ZFHX3: variants seen among roughly 807,000 people sequenced by gnomAD.
The protein encoded by ZFHX3 is zinc finger homeobox 3, also known as zinc finger homeobox protein 3.
A neutral mutation model predicts 279.1 loss-of-function variants in ZFHX3; 42 were observed. The observed-to-expected ratio is 0.15, with a 90% CI of 0.12 to 0.19. ZFHX3 has a LOEUF of 0.19. Ranked by LOEUF, ZFHX3 falls within the 10% of genes least tolerant of loss-of-function variation. The pLI is 1.00. For synonymous variants in ZFHX3, 2,293 were observed against 1,957.8 expected (o/e 1.17, Z -4.52); for missense variants, 4,981 against 4,754.0 (o/e 1.05, Z -1.40).
intron 3 of ZFHX3, among the ~76,000 whole-genome samples, chr16:73,399,299 C>T (rs1186621562): frequency 1.3e-5 from 2 of 152,062 alleles, no homozygotes; most frequent in African/African-American, 4.8e-5. Flanking sequence ...AAACAATAGT[C>T]ACAAACGATA....
At chr16:73,524,188 G>C (rs1015708989) in intron 2 of ZFHX3, among the ~76,000 whole-genome samples, 1 of 152,152 alleles carries the variant, frequency 6.6e-6, no homozygotes, top group Non-Finnish European at 1.5e-5. Context: ...CACCTACCAT[G>C]TGCAAGGCAT....
exon 1 of ZFHX3, chr16:73,059,546 C>G (rs955251595): frequency 5.4e-5 from 8 of 149,246 alleles, no homozygotes; most frequent in African/African-American, 2.0e-4. Context: ...CTCTCTCTCT[C>G]TCTCTCTCTC....
chr16:72,904,366 CAAAATAAATAAATAAA>C (rs1357860012), intron 3 of ZFHX3, among the ~76,000 whole-genome samples: 1 of 132,154 alleles, frequency 7.6e-6, no homozygotes, highest in Non-Finnish European at 1.6e-5. Context: ...GATTCTGTCT[CAAAATAAATAAATAAA>C]TAAATAAATA....
At chr16:73,839,263 G>C (rs1961230107) in intron 1 of ZFHX3, among the ~76,000 whole-genome samples, 1 of 140,282 alleles carries the variant, frequency 7.1e-6, no homozygotes, top group Admixed American at 7.7e-5. Context: ...TTGGGAGGCT[G>C]AGGCAGGAGA....
At chr16:73,679,689 T>C (rs1307867787) in intron 2 of ZFHX3, 1 of 152,172 alleles carries the variant, frequency 6.6e-6, no homozygotes, top group Admixed American at 6.5e-5. Flanking sequence ...TCTCATTCAT[T>C]TGTAGAACAA....
chr16:72,946,475 T>C (rs1301507510), intron 3 of ZFHX3, among the ~76,000 whole-genome samples: 1 of 152,194 alleles, frequency 6.6e-6, no homozygotes. Context: ...AGATTTCCAC[T>C]CCAATGACTC....
intron 4 of ZFHX3, among the ~76,000 whole-genome samples, chr16:72,864,791 C>T (rs2037972347): frequency 2.0e-5 from 3 of 152,218 alleles, no homozygotes; most frequent in Admixed American, 1.3e-4. Flanking sequence ...AGCCATCAAT[C>T]ATCTACATAG....
At chr16:73,484,874 A>C (rs1056947558) in intron 2 of ZFHX3, among the ~76,000 whole-genome samples, 1 of 152,222 alleles carries the variant, frequency 6.6e-6, no homozygotes, top group East Asian at 1.9e-4. Context: ...ACAAATGTAC[A>C]ATGTTAAAAC....
At chr16:73,256,068 G>A (rs967321333) in intron 5 of ZFHX3, among the ~76,000 whole-genome samples, 4 of 152,288 alleles carry the variant, frequency 2.6e-5, no homozygotes, top group East Asian at 1.9e-4. Context: ...ATTAGGAGGC[G>A]ATGACCATGA....
chr16:72,816,328 T>C (rs963286267), intron 5 of ZFHX3, among the ~76,000 whole-genome samples: 3 of 152,200 alleles, frequency 2.0e-5, no homozygotes, highest in Non-Finnish European at 4.4e-5. Context: ...TAAATCTCAG[T>C]GAATCTTCCA....
intron 1 of ZFHX3, among the ~76,000 whole-genome samples, chr16:73,713,308 C>T (rs1371022921): frequency 6.6e-6 from 1 of 152,186 alleles, no homozygotes; most frequent in African/African-American, 2.4e-5. Flanking sequence ...TTAATTATGC[C>T]TTTTTATTTT....
intron 3 of ZFHX3, among the ~76,000 whole-genome samples, chr16:73,434,132 CG>C (rs2143521377): frequency 6.6e-6 from 1 of 152,276 alleles, no homozygotes; most frequent in East Asian, 1.9e-4. Context: ...ATTCAGAATA[CG>C]GGGAGGCCCA....
chr16:73,861,819 C>T (rs376494485), intron 1 of ZFHX3, among the ~76,000 whole-genome samples: 111 of 152,218 alleles, frequency 7.3e-4, no homozygotes, highest in African/African-American at 2.4e-3. Flanking sequence ...GTTCTCTGTA[C>T]CTTTTTCCCT....
At chr16:72,899,686 G>A (rs1179044860) in intron 3 of ZFHX3, among the ~76,000 whole-genome samples, 4 of 152,102 alleles carry the variant, frequency 2.6e-5, no homozygotes, top group Admixed American at 6.6e-5. Flanking sequence ...GCTGTGCCAC[G>A]TAGGGCAAGT....
At chr16:73,073,745 A>G (rs1965851654) in intron 8 of ZFHX3, among the ~76,000 whole-genome samples, 1 of 151,702 alleles carries the variant, frequency 6.6e-6, no homozygotes, top group Non-Finnish European at 1.5e-5. Flanking sequence ...CTGATCCACC[A>G]GCCTCGGCCT....
At chr16:73,615,831 G>A (rs1282645377) in intron 2 of ZFHX3, among the ~76,000 whole-genome samples, 4 of 152,042 alleles carry the variant, frequency 2.6e-5, no homozygotes, top group Non-Finnish European at 5.9e-5. Flanking sequence ...AAGACACAGC[G>A]GAACAAATTG....
chr16:73,349,378 G>A (rs933779982), intron 3 of ZFHX3, among the ~76,000 whole-genome samples: 1 of 152,312 alleles, frequency 6.6e-6, no homozygotes, highest in Admixed American at 6.5e-5. Context: ...ACAGTCAGCA[G>A]CCTCATGCAG....
In ZFHX3 at chr16:73,871,484, T is replaced by TA. The variant is rs1249371833; in HGVS notation, c.-1608+20166dup. Among the ~76,000 whole-genome samples, 991 of 135,134 alleles carry TA rather than the reference T, an allele frequency of 7.3e-3. 8 individuals are homozygous for TA. The highest frequency in any genetic ancestry group is 0.024 in the African/African-American group (867 of 36,810). The allele number at this position is 135,134 out of a possible 152,430, so 88.7% of individuals were successfully genotyped here. A position where few individuals can be genotyped will look rare whatever the true frequency, so the allele number is the denominator to read the frequency against. On this transcript the variant is annotated intron_variant, in intron 1 of 17. Transcript: ENST00000641206. ...CAAATTTTGCTCCCTGGGAGGACAA[T>TA]AAAAAAAAAAAGAGAGAGAGAGAGA...
chr16:72,851,255 C>T (rs1469588901), intron 4 of ZFHX3, among the ~76,000 whole-genome samples: 1 of 152,048 alleles, frequency 6.6e-6, no homozygotes. Flanking sequence ...GGACAAGAGG[C>T]CTCCAAGGGG....
Sources: allele counts gnomAD v4.1 joint callset (sites outside exome capture counted in the v4.1 genomes callset), GRCh38; gene constraint gnomAD v4.1.1; transcripts MANE v1.5; gene names NCBI Gene and HGNC (gene_info 2026-07-23, HGNC 2026-07-21).